RP1: variants seen among roughly 807,000 people sequenced by gnomAD.
RP1 encodes oxygen-regulated protein 1.
A neutral mutation model predicts 14.8 loss-of-function variants in RP1; 16 were observed. The ratio of observed to expected loss-of-function variants is 1.08; its 90% confidence interval spans 0.73 to 1.65. The LOEUF (loss-of-function observed/expected upper bound fraction) is 1.65. Ranked by LOEUF, RP1 falls within the 40% of genes most tolerant of loss-of-function variation. The pLI, the probability that RP1 is intolerant of heterozygous loss-of-function variation, is 0.00. For synonymous variants in RP1, 876 were observed against 883.6 expected (o/e 0.99, Z 0.15); for missense variants, 2,631 against 2,535.0 (o/e 1.04, Z -0.81).
chr8:54,693,230 A>G (rs912088777), intron 12 of RP1, among the ~76,000 whole-genome samples: 115 of 152,138 alleles, frequency 7.6e-4, no homozygotes, highest in African/African-American at 2.7e-3. Context: ...GCCTTGTAGT[A>G]TAGTTTGAAG....
intron 26 of RP1, among the ~76,000 whole-genome samples, chr8:54,853,726 C>G: frequency 1.5e-5 from 1 of 68,608 alleles, no homozygotes; most frequent in Non-Finnish European, 2.6e-5. Context: ...GACCTCATCT[C>G]TAAAAAAAAG....
intron 21 of RP1, among the ~76,000 whole-genome samples, chr8:54,756,334 A>G (rs1453091464): frequency 6.6e-6 from 1 of 152,184 alleles, no homozygotes; most frequent in Non-Finnish European, 1.5e-5. Context: ...GAGAGAAGGT[A>G]CTATTTGAGG....
intron 24 of RP1, among the ~76,000 whole-genome samples, chr8:54,819,333 T>A (rs1308420801): frequency 6.6e-6 from 1 of 152,046 alleles, no homozygotes. Context: ...ATATCTTTGT[T>A]AAATGTCTCT....
intron 24 of RP1, among the ~76,000 whole-genome samples, chr8:54,832,105 AT>A (rs529877605): frequency 2.0e-5 from 3 of 151,674 alleles, no homozygotes; most frequent in Non-Finnish European, 4.4e-5. Flanking sequence ...ATCAGTTACT[AT>A]GATCTTACTA....
rs775031968 is a variant in RP1 at position 54,621,103 on chromosome 8, C to G, written c.137C>G (p.Pro46Arg). The G allele has an allele frequency of 5.5e-5, 88 of 1,614,044 alleles. 1 individual carries two copies. The highest frequency in any genetic ancestry group is 7.0e-5 in the Non-Finnish European group (83 of 1,180,040). The change falls in exon 2 of 4, where the codon CCC becomes CGC. Residue 46 changes from proline (P) to arginine (R), a missense_variant. Physicochemically the swap from Pro to Arg is moderately radical, Grantham distance 103 (BLOSUM62 -2). Transcript: ENST00000220676. ...KRISFYKSGDPQFGGVRVVVN... is the reference protein window; with the variant it reads ...KRISFYKSGDRQFGGVRVVVN... ...ATCAGTTTCTACAAGAGCGGAGACCCCCAATTCGGCGGGGTCAGGGTGGTG... is the reference window on the plus strand; with the variant it reads ...ATCAGTTTCTACAAGAGCGGAGACCGCCAATTCGGCGGGGTCAGGGTGGTG...
chr8:54,814,392 G>A lies in RP1; in HGVS notation c.3616-23058G>A, dbSNP rs536162771. ...AAAATAAAAATAATGCAAAATAACT[G>A]TACTGTCCCTTGAAAGTATTTCAGA... On this transcript the variant is annotated intron_variant, in intron 24 of 28. Transcript: ENST00000637698. Among the ~76,000 whole-genome samples the A allele has an allele frequency of 1.2e-4, 19 of 152,250 alleles. No individual in the cohort carries two copies. The South Asian group carries it at 1.9e-3, about 15-fold the overall frequency.
intron 12 of RP1, among the ~76,000 whole-genome samples, chr8:54,685,511 C>T (rs1301593153): frequency 6.6e-6 from 1 of 152,154 alleles, no homozygotes; most frequent in Non-Finnish European, 1.5e-5. Flanking sequence ...GCACTGTGAT[C>T]TGAGAGACTG....
intron 25 of RP1, among the ~76,000 whole-genome samples, chr8:54,840,892 C>G (rs925652382): frequency 2.6e-5 from 4 of 152,168 alleles, no homozygotes; most frequent in African/African-American, 9.7e-5. Context: ...ATACTTACAG[C>G]TAATCTGACT....
intron 26 of RP1, among the ~76,000 whole-genome samples, chr8:54,854,621 T>C (rs918121040): frequency 2.0e-5 from 3 of 152,178 alleles, no homozygotes; most frequent in African/African-American, 7.2e-5. Flanking sequence ...TCCCAGCACT[T>C]TGGGAGGCCG....
rs375156216 is a variant in RP1, at chr8:54,628,735, C to T, written c.4853C>T (p.Thr1618Ile). 28 of 1,613,874 alleles carry T rather than the reference C, an allele frequency of 1.7e-5. No homozygotes were observed. Among genetic ancestry groups the T allele is most frequent in the Non-Finnish European group, 1.7e-6 (2 of 1,179,978 alleles). Residue 1618 changes from threonine (T) to isoleucine (I), a missense_variant, in exon 4 of 4, where the codon ACC becomes ATC. By Grantham distance (89) the Thr-to-Ile change is moderately conservative (BLOSUM62 -1). Coordinates refer to ENST00000220676, the MANE Select transcript of RP1 (RefSeq NM_006269.2). ...GATCCCAATGACAGTGGCGAACTTA[C>T]CCAAGAGAAAGAATATAACATAGGA... ...SDDPNDSGEL[T>I]QEKEYNIGFV...
intron 3 of RP1, among the ~76,000 whole-genome samples, chr8:54,645,229 C>A (rs915367041): frequency 6.6e-6 from 1 of 151,970 alleles, no homozygotes; most frequent in African/African-American, 2.4e-5. Context: ...GTTTTTATTT[C>A]TTTGGGTAGT....
At chr8:54,606,411 T>A (rs9694448) in intron 1 of RP1, among the ~76,000 whole-genome samples, 50,393 of 149,232 alleles carry the variant, frequency 0.34, 9,165 homozygotes, top group Middle Eastern at 0.48. Context: ...CCGAGAGATC[T>A]GCTGTTACTC....
At chr8:54,632,316 T>G (rs1406128674), downstream of RP1, among the ~76,000 whole-genome samples, 2 of 152,214 alleles carry the variant, frequency 1.3e-5, no homozygotes, top group Admixed American at 1.3e-4. Context: ...TATGTAGTTT[T>G]TGGCAATACT....
At chr8:54,721,071 T>C (rs1808524276) in intron 16 of RP1, among the ~76,000 whole-genome samples, 1 of 152,248 alleles carries the variant, frequency 6.6e-6, no homozygotes, top group South Asian at 2.1e-4. Context: ...GTTTACTGTA[T>C]GTGTATATAT....
At chr8:54,775,149 C>A (rs919394202) in intron 23 of RP1, among the ~76,000 whole-genome samples, 19 of 151,990 alleles carry the variant, frequency 1.3e-4, no homozygotes, top group Non-Finnish European at 2.8e-4. Flanking sequence ...AACTGCTAAC[C>A]TAGAAAATAG....
Position 54,625,566 on chromosome 8 carries a change from C to G in RP1, c.1684C>G (p.His562Asp). 1 of 1,614,030 alleles carries G rather than the reference C, an allele frequency of 6.2e-7. No individual in the cohort carries two copies. Among genetic ancestry groups the G allele is most frequent in the Non-Finnish European group, 8.5e-7 (1 of 1,179,996 alleles). ...AAGTCAGAAGATGTTAGAGATGTCACATAATAATGGTTTGCCATCAACTAT... is the reference window on the plus strand; with the variant it reads ...AAGTCAGAAGATGTTAGAGATGTCAGATAATAATGGTTTGCCATCAACTAT... Reference protein sequence around the residue: ...ITSQKMLEMSHNNGLPSTISN... With the variant: ...ITSQKMLEMSDNNGLPSTISN... Residue 562 changes from histidine (H) to aspartate (D), a missense_variant, in exon 4 of 4, where the codon CAT (histidine) becomes GAT (aspartate). Coordinates refer to ENST00000220676, the MANE Select transcript of RP1 (RefSeq NM_006269.2).
At chr8:54,850,501 A>G (rs1812036277) in intron 25 of RP1, among the ~76,000 whole-genome samples, 1 of 152,208 alleles carries the variant, frequency 6.6e-6, no homozygotes, top group Non-Finnish European at 1.5e-5. Flanking sequence ...TAGCTAGGGC[A>G]TATGGCCCTG....
chr8:54,611,759 G>T (rs1805598618), upstream of RP1, among the ~76,000 whole-genome samples: 1 of 151,910 alleles, frequency 6.6e-6, no homozygotes, highest in Non-Finnish European at 1.5e-5. Context: ...TTTAATGTGT[G>T]TGCATTGTGA....
chr8:54,622,704 C>T (rs1451113397), intron 3 of RP1, among the ~76,000 whole-genome samples: 1 of 152,148 alleles, frequency 6.6e-6, no homozygotes, highest in African/African-American at 2.4e-5. Flanking sequence ...TTCAAATCTA[C>T]GCTATGTGCT....
Sources: allele counts gnomAD v4.1 joint callset (sites outside exome capture counted in the v4.1 genomes callset), GRCh38; gene constraint gnomAD v4.1.1; transcripts MANE v1.5; gene names NCBI Gene and HGNC (gene_info 2026-07-23, HGNC 2026-07-21).